EVC2: variants seen among roughly 807,000 people sequenced by gnomAD.
EVC2 encodes the protein limbin.
Under a neutral mutation model 149.3 loss-of-function variants are expected in EVC2, and 148 were observed. The ratio of observed to expected loss-of-function variants is 0.99; its 90% CI spans 0.87 to 1.14. The LOEUF is 1.14. Among genes scored for constraint, EVC2 ranks in the 50% most tolerant of loss-of-function variants. EVC2 has a pLI of 0.00. For synonymous variants in EVC2, 776 were observed against 649.9 expected (o/e 1.19, Z -2.95); for missense variants, 1,854 against 1,627.3 (o/e 1.14, Z -2.40).
At chr4:5,552,413 T>C (rs141764285) in intron 21 of EVC2, among the ~76,000 whole-genome samples, 1,735 of 152,310 alleles carry the variant, frequency 0.011, 18 homozygotes, top group Admixed American at 0.022. Flanking sequence ...TTAGAGTTAA[T>C]AACTGGCTTG....
chr4:5,544,804 C>G (rs1237668443), intron 21 of EVC2, among the ~76,000 whole-genome samples: 2 of 152,134 alleles, frequency 1.3e-5, no homozygotes. Context: ...ACCCACAGAT[C>G]AAAACTCGGT....
chr4:5,677,344 C>T lies in EVC2; in HGVS notation c.870+3916G>A, dbSNP rs572266230. Among the ~76,000 whole-genome samples the T allele has an allele frequency of 3.9e-5, 6 of 152,282 alleles. No homozygotes were observed. The South Asian group carries it at 1.0e-3, about 26-fold the overall frequency. ...GGTCCAAGAGTCAGCTGGGCCCACACAACACCATAGGGCCATCCTGTGCAT... is the reference window on the plus strand; with the variant it reads ...GGTCCAAGAGTCAGCTGGGCCCACATAACACCATAGGGCCATCCTGTGCAT... On this transcript the variant is annotated intron_variant, in intron 7 of 21. Transcript: ENST00000344408. The surrounding 1 kb of genome is among the most constrained non-coding windows in gnomAD (Gnocchi z 4.3).
intron 9 of EVC2, among the ~76,000 whole-genome samples, chr4:5,645,268 T>C (rs1717629303): frequency 6.7e-6 from 1 of 148,338 alleles, no homozygotes. Flanking sequence ...TTTTTTTTCT[T>C]AACTTTTAAG....
chr4:5,594,800 G>C (rs556627957), intron 16 of EVC2, among the ~76,000 whole-genome samples: 14 of 152,134 alleles, frequency 9.2e-5, no homozygotes, highest in Admixed American at 2.6e-4. Flanking sequence ...CAAACTGAAG[G>C]CAAAGAAGTT....
At chr4:5,701,012 G>A (rs1467818212) in intron 1 of EVC2, among the ~76,000 whole-genome samples, 1 of 152,214 alleles carries the variant, frequency 6.6e-6, no homozygotes, top group East Asian at 1.9e-4. Flanking sequence ...GGTCTCAATG[G>A]ACTAAAGTCA....
intron 1 of EVC2, among the ~76,000 whole-genome samples, chr4:5,706,414 A>G: frequency 9.6e-6 from 1 of 104,016 alleles, no homozygotes; most frequent in African/African-American, 4.6e-5. Flanking sequence ...AGATAGATAC[A>G]TAGATAGATA....
rs114814873 is a variant in EVC2, at chr4:5,643,535, T to G, written c.1146-2697A>C. Among the ~76,000 whole-genome samples, 25 of 152,290 alleles carry G rather than the reference T, an allele frequency of 1.6e-4. 1 individual carries two copies. In the East Asian group the frequency reaches 4.8e-3, roughly 29 times the overall value. The stretch of plus-strand genomic sequence containing the variant: ...TGCATGTTGTTTTCCTGTTAATCTA[T>G]CTCATGTCAATTTAATTCTTGGGCC... On this transcript the variant is annotated intron_variant, in intron 9 of 21. Transcript: ENST00000344408.
rs1164453669 is a variant in EVC2, at chr4:5,614,851, C to A, written c.2829+571G>T. Among the ~76,000 whole-genome samples the A allele has an allele frequency of 6.6e-6, 1 of 151,952 alleles. No individual in the cohort carries two copies. Among genetic ancestry groups the A allele is most frequent in the African/African-American group, 2.4e-5 (1 of 41,342 alleles). ...AAATTAGCAGGTGTGATGGTGGGTG[C>A]CTGTAATCCCAGCTACTCGGAAGGG... On this transcript the variant is annotated intron_variant, in intron 16 of 21. Coordinates refer to ENST00000344408, the MANE Select transcript of EVC2 (RefSeq NM_147127.5). This position sits in a 1 kb window ranked among gnomAD's most constrained non-coding sequence, Gnocchi z 4.7.
intron 4 of EVC2, among the ~76,000 whole-genome samples, chr4:5,689,757 G>C (rs1320128011): frequency 1.3e-5 from 2 of 152,182 alleles, no homozygotes; most frequent in Non-Finnish European, 2.9e-5. Flanking sequence ...GTGATCTCCA[G>C]GAAGGACCCG....
intron 16 of EVC2, among the ~76,000 whole-genome samples, chr4:5,597,597 C>G (rs1365631482): frequency 1.3e-5 from 2 of 151,376 alleles, no homozygotes; most frequent in East Asian, 4.0e-4. Context: ...TATGACAAAC[C>G]CACAGCCAAT....
At chr4:5,683,680 G>T (rs111481009) in intron 6 of EVC2, among the ~76,000 whole-genome samples, 18,449 of 152,092 alleles carry the variant, frequency 0.12, 1,430 homozygotes, top group Middle Eastern at 0.19. Context: ...TCAGGGTGGG[G>T]CAGGGGAAGC....
At chr4:5,541,903 ATG>A (rs1189861961), downstream of EVC2, among the ~76,000 whole-genome samples, 1 of 152,150 alleles carries the variant, frequency 6.6e-6, no homozygotes, top group African/African-American at 2.4e-5. Context: ...AATGGACTGA[ATG>A]TGTGTGCCCC....
At chr4:5,695,269 A>G (rs1169085595) in intron 2 of EVC2, among the ~76,000 whole-genome samples, 1 of 150,996 alleles carries the variant, frequency 6.6e-6, no homozygotes, top group Non-Finnish European at 1.5e-5. Context: ...AATCGCTTGA[A>G]CCTGGGAGGC....
At chr4:5,664,789 T>C (rs1293607141) in intron 8 of EVC2, among the ~76,000 whole-genome samples, 2 of 152,176 alleles carry the variant, frequency 1.3e-5, no homozygotes, top group African/African-American at 4.8e-5. Flanking sequence ...CTTCCCTTTC[T>C]GCCTCACTTC....
intron 17 of EVC2, among the ~76,000 whole-genome samples, chr4:5,579,847 AAAG>A (rs541346161): frequency 3.5e-4 from 54 of 152,184 alleles, no homozygotes; most frequent in Non-Finnish European, 6.9e-4. Flanking sequence ...AACAATAAAC[AAAG>A]AAGAAGAAGA....
chr4:5,563,170 G>A, intron 21 of EVC2, 55 bp from the exon 22 acceptor site: 1 of 1,542,580 alleles, frequency 6.5e-7, no homozygotes, highest in Non-Finnish European at 8.9e-7. Context: ...ACCCTCTGGA[G>A]TGTTCTGAGT....
rs777724107 is a variant in EVC2, at chr4:5,576,350, C to A, written c.3162G>T (p.Gly1054=). ...LASWQQWVAD[G]PGILNEPGEV... is the part of the protein sequence containing the mutation. ...CCCCAGGTTCGTTCAGAATCCCGGG[C>A]CCATCGGCCACCCACTGCTGCCAGC... The change falls in exon 18 of 22, where the codon GGG becomes GGT. Residue 1054 remains glycine (G), a synonymous_variant. Transcript: ENST00000344408. This position sits in a 1 kb window ranked among gnomAD's most constrained non-coding sequence, Gnocchi z 4.5. 1.1e-5 allele frequency: 17 copies of A among 1,614,084 alleles called. No individual in the cohort carries two copies. The highest frequency in any genetic ancestry group is 1.4e-5 in the Non-Finnish European group (16 of 1,180,056).
rs1560169100 is a variant in EVC2, at chr4:5,618,678, G to A, written c.2506C>T (p.Leu836Phe). Residue 836 changes from leucine to phenylalanine, a missense_variant, in exon 15 of 22, where the codon CTC (leucine) becomes TTC (phenylalanine). Transcript: ENST00000344408. The surrounding 1 kb of genome is among the most constrained non-coding windows in gnomAD (Gnocchi z 4.4). ...RRWEHLIFMK[L>F]CSSVFSLSEE... ...GACAGGGAGAAGACTGAGGAGCAGA[G>A]CTTCCTGGGAGGAAGAACAGAGACA... 1 of 1,594,492 alleles carries A rather than the reference G, an allele frequency of 6.3e-7. No individual in the cohort carries two copies. Among genetic ancestry groups the A allele is most frequent in the Non-Finnish European group, 8.5e-7 (1 of 1,170,106 alleles).
chr4:5,655,197 A>G (rs77028321), intron 9 of EVC2, among the ~76,000 whole-genome samples: 23,505 of 152,126 alleles, frequency 0.15, 2,930 homozygotes, highest in African/African-American at 0.34. Context: ...CCGTCATGTC[A>G]GGTGCTGCGC....
Sources: gnomAD v4.1 joint callset for allele counts (sites outside exome capture counted in the v4.1 genomes callset) on GRCh38, gnomAD v4.1.1 for gene constraint, Gnocchi (gnomAD v3.1) non-coding constraint, MANE v1.5 for transcripts, NCBI Gene and HGNC (gene_info 2026-07-23, HGNC 2026-07-21) for gene names.